SMARCC1: variants seen among roughly 807,000 people sequenced by gnomAD.
SMARCC1 encodes the protein SWI/SNF complex subunit SMARCC1.
SMARCC1 carries 43 observed loss-of-function variants against 147.4 expected under a neutral mutation model. That is an observed-to-expected ratio of 0.29 (90% confidence interval 0.23 to 0.38). SMARCC1 has a LOEUF of 0.38. SMARCC1 is among the 10% of genes least tolerant of loss of function. SMARCC1 has a pLI of 1.00. For synonymous variants in SMARCC1, 495 were observed against 484.4 expected, an observed-to-expected ratio of 1.02 and a Z score of -0.29; for missense variants, 1,119 against 1,381.1, an observed-to-expected ratio of 0.81 and a Z score of 3.01.
intron 12 of SMARCC1, among the ~76,000 whole-genome samples, chr3:47,691,973 TG>T (rs1379004965): frequency 6.6e-6 from 1 of 152,190 alleles, no homozygotes; most frequent in Non-Finnish European, 1.5e-5. Flanking sequence ...TACTCCAGCC[TG>T]GGTAACAGAC....
At chr3:47,687,006 A>C (rs1402264290) in intron 13 of SMARCC1, among the ~76,000 whole-genome samples, 8 of 152,028 alleles carry the variant, frequency 5.3e-5, no homozygotes, top group Non-Finnish European at 1.2e-4. Flanking sequence ...ATAAGCAAAA[A>C]CCCAAATTTT....
chr3:47,655,028 G>A (rs2033242756), intron 21 of SMARCC1, among the ~76,000 whole-genome samples: 1 of 152,134 alleles, frequency 6.6e-6, no homozygotes, highest in Non-Finnish European at 1.5e-5. Context: ...GGCTAGACTG[G>A]CACTTAATTC....
intron 24 of SMARCC1, among the ~76,000 whole-genome samples, chr3:47,631,277 G>A (rs1014725758): frequency 5.3e-5 from 8 of 152,164 alleles, no homozygotes; most frequent in Non-Finnish European, 7.3e-5. Context: ...ATGTTGCCAC[G>A]AATACAAACC....
intron 2 of SMARCC1, among the ~76,000 whole-genome samples, chr3:47,761,728 C>A (rs1408068080): frequency 6.6e-6 from 1 of 152,178 alleles, no homozygotes; most frequent in Non-Finnish European, 1.5e-5. Flanking sequence ...TTTGGCAAAA[C>A]AATACCATTC....
At chr3:47,632,512 G>A (rs898001442) in intron 24 of SMARCC1, among the ~76,000 whole-genome samples, 1 of 151,914 alleles carries the variant, frequency 6.6e-6, no homozygotes, top group Non-Finnish European at 1.5e-5. Flanking sequence ...TAGCACAGTG[G>A]TATCAAGAGG....
At chr3:47,640,181 T>C (rs1409627479) in intron 21 of SMARCC1, among the ~76,000 whole-genome samples, 1 of 152,020 alleles carries the variant, frequency 6.6e-6, no homozygotes, top group Non-Finnish European at 1.5e-5. Context: ...TCAAAGTATA[T>C]GAGCTCCATG....
chr3:47,781,509 C>T, intron 1 of SMARCC1, 94 bp downstream of exon 1: 3 of 869,868 alleles, frequency 3.4e-6, no homozygotes, highest in Non-Finnish European at 3.2e-6. Flanking sequence ...TCGTGGCGTG[C>T]GGGGGGGAGG....
At chr3:47,734,322 A>G (rs959054039) in intron 5 of SMARCC1, among the ~76,000 whole-genome samples, 1 of 152,216 alleles carries the variant, frequency 6.6e-6, no homozygotes, top group Admixed American at 6.6e-5. Flanking sequence ...ATTGCCCAAT[A>G]TGATAAAATA....
rs566844781 is a variant in SMARCC1, at chr3:47,708,800, T to TC, written c.918+1882dup. 4.6e-5 allele frequency among the ~76,000 whole-genome samples: 7 copies of TC among 152,278 alleles called. No homozygotes were observed. The East Asian group carries it at 1.4e-3, about 29-fold the overall frequency. ...TAAAACATTTTTCTTTTCTTTTTTT[T>TC]CTCTAAATTTTTTATCAGTTGAAGA... On this transcript the variant is annotated intron_variant, in intron 9 of 27. Coordinates refer to ENST00000254480, the MANE Select transcript of SMARCC1 (RefSeq NM_003074.4).
At chr3:47,711,770 C>T (rs545057849) in intron 8 of SMARCC1, among the ~76,000 whole-genome samples, 46 of 152,286 alleles carry the variant, frequency 3.0e-4, no homozygotes, top group African/African-American at 5.8e-4. Context: ...TCTGACTACA[C>T]GCCTCCTCTC....
At chr3:47,664,540 G>A (rs1462718490) in intron 19 of SMARCC1, among the ~76,000 whole-genome samples, 2 of 152,062 alleles carry the variant, frequency 1.3e-5, no homozygotes, top group African/African-American at 4.8e-5. Flanking sequence ...AAGAGTAAAA[G>A]GAGTCTCCGA....
intron 21 of SMARCC1, among the ~76,000 whole-genome samples, chr3:47,648,040 G>A (rs2033141036): frequency 6.6e-6 from 1 of 152,126 alleles, no homozygotes; most frequent in Admixed American, 6.5e-5. Context: ...TGTTGCCCAG[G>A]CTGGAATGCA....
At chr3:47,659,282 T>TAAAA (rs541415627) in intron 21 of SMARCC1, among the ~76,000 whole-genome samples, 1 of 123,310 alleles carries the variant, frequency 8.1e-6, no homozygotes. Flanking sequence ...AAATAAAAAA[T>TAAAA]AAAAAAAAAA....
At chr3:47,730,792 G>A (rs1309331496) in intron 5 of SMARCC1, among the ~76,000 whole-genome samples, 1 of 151,920 alleles carries the variant, frequency 6.6e-6, no homozygotes, top group Non-Finnish European at 1.5e-5. Context: ...CTTGAACCCC[G>A]GAGGCAGAGG....
chr3:47,757,235 G>A (rs1405312299), intron 2 of SMARCC1, among the ~76,000 whole-genome samples: 1 of 151,610 alleles, frequency 6.6e-6, no homozygotes, highest in Admixed American at 6.6e-5. Context: ...TGGGTGATTA[G>A]GCCAGACCCC....
intron 10 of SMARCC1, among the ~76,000 whole-genome samples, chr3:47,702,302 T>C (rs1362179997): frequency 6.7e-6 from 1 of 150,128 alleles, no homozygotes; most frequent in Admixed American, 6.6e-5. Context: ...ACAGAAATCT[T>C]TACCTCACAT....
rs969577180 is a variant in SMARCC1 at position 47,610,095 on chromosome 3, T to C, written c.3014A>G (p.Gln1005Arg). 16 of 1,612,806 alleles carry C rather than the reference T, an allele frequency of 9.9e-6. No individual in the cohort carries two copies. The highest frequency in any genetic ancestry group is 1.7e-5 in the Admixed American group (1 of 60,004). ...QPPPYPLMHH[Q>R]MPPPHPPQPG... ...CTGGGGTGGATGAGGTGGTGGCATC[T>C]GGTGGTGCATCAGAGGGTAGGGAGG... The change falls in exon 26 of 28, where the codon CAG becomes CGG. Residue 1005 changes from glutamine (Q) to arginine (R), a missense_variant. Transcript: ENST00000254480.
At chr3:47,654,391 G>T (rs1300943918) in intron 21 of SMARCC1, among the ~76,000 whole-genome samples, 2 of 152,128 alleles carry the variant, frequency 1.3e-5, no homozygotes, top group African/African-American at 2.4e-5. Context: ...ATAAGAAAAA[G>T]AAAATAAGTT....
intron 18 of SMARCC1, among the ~76,000 whole-genome samples, chr3:47,671,196 A>AAAC (rs1553682000): frequency 0.078 from 6,251 of 80,390 alleles, 892 homozygotes; most frequent in East Asian, 0.11. Context: ...AAAAAAAAAA[A>AAAC]AACACACACA....
Sources: allele counts gnomAD v4.1 joint callset (sites outside exome capture counted in the v4.1 genomes callset), GRCh38; gene constraint gnomAD v4.1.1; transcripts MANE v1.5; gene names NCBI Gene and HGNC (gene_info 2026-07-23, HGNC 2026-07-21).